PHLPP2: variants seen among roughly 807,000 people sequenced by gnomAD.
PHLPP2 encodes the protein PH domain and leucine rich repeat protein phosphatase 2.
A neutral mutation model predicts 124.9 loss-of-function variants in PHLPP2; 66 were observed. That is an observed-to-expected ratio of 0.53 (90% CI 0.43 to 0.65). The LOEUF is 0.65. Among genes scored for constraint, PHLPP2 ranks in the 30% least tolerant of loss-of-function variants. The pLI, the probability that PHLPP2 is intolerant of heterozygous loss-of-function variation, is 0.00. For missense variants in PHLPP2, 1,685 were observed against 1,600.4 expected, an observed-to-expected ratio of 1.05 and a Z score of -0.90; for synonymous variants, 681 against 624.7, an observed-to-expected ratio of 1.09 and a Z score of -1.34.
At chr16:71,662,107 C>T (rs1022924310) in intron 13 of PHLPP2, among the ~76,000 whole-genome samples, 4 of 151,732 alleles carry the variant, frequency 2.6e-5, no homozygotes, top group Admixed American at 6.6e-5. Flanking sequence ...CAGGCATGAG[C>T]GGCCACGCCC....
At chr16:71,695,479 C>T (rs1298755915) in intron 3 of PHLPP2, among the ~76,000 whole-genome samples, 2 of 152,116 alleles carry the variant, frequency 1.3e-5, no homozygotes, top group Non-Finnish European at 2.9e-5. Flanking sequence ...GAGGCCAAGG[C>T]CGTCGGATCA....
At chr16:71,696,255 G>A (rs971692100) in intron 3 of PHLPP2, among the ~76,000 whole-genome samples, 2 of 152,156 alleles carry the variant, frequency 1.3e-5, no homozygotes, top group African/African-American at 4.8e-5. Context: ...TGTTGTCAAA[G>A]GTGTAGGGAA....
chr16:71,681,604 G>C (rs768419366), intron 6 of PHLPP2, 147 bp downstream of exon 6: 1 of 550,682 alleles, frequency 1.8e-6, no homozygotes, highest in Non-Finnish European at 3.1e-6. Context: ...GCAGGTAGGA[G>C]AACTCTGTGA....
chr16:71,703,325 T>C (rs1173818994), intron 2 of PHLPP2, among the ~76,000 whole-genome samples: 1 of 152,180 alleles, frequency 6.6e-6, no homozygotes, highest in Non-Finnish European at 1.5e-5. Context: ...TTTACCAAAT[T>C]AGAAATTAAA....
chr16:71,691,880 G>C (rs1171336117), intron 3 of PHLPP2, among the ~76,000 whole-genome samples: 1 of 151,990 alleles, frequency 6.6e-6, no homozygotes, highest in Non-Finnish European at 1.5e-5. Flanking sequence ...AAGACTGTTT[G>C]AGCCCAGGAG....
In PHLPP2 at chr16:71,649,086, G is replaced by A; in HGVS notation, c.3776C>T (p.Thr1259Ile). The change falls in exon 19 of 19, where the codon ACA becomes ATA. Residue 1259 changes from threonine to isoleucine, a missense_variant. Physicochemically the swap from Thr to Ile is moderately conservative, Grantham distance 89 (BLOSUM62 -1). Transcript: ENST00000568954. ...GCCAGTTTTCCTCTTGGGCACTTCT[G>A]TGGCCACTTCAATGAGGTTCAGGCT... ...EDSLNLIEVA[T>I]EVPKRKTGYF... 1.9e-6 allele frequency: 3 copies of A among 1,614,152 alleles called. No homozygotes were observed. Among genetic ancestry groups the A allele is most frequent in the African/African-American group, 1.3e-5 (1 of 75,036 alleles).
chr16:71,693,065 C>T (rs1036361758), intron 3 of PHLPP2, among the ~76,000 whole-genome samples: 1 of 151,924 alleles, frequency 6.6e-6, no homozygotes, highest in Non-Finnish European at 1.5e-5. Flanking sequence ...CTGAGGCGGG[C>T]GGATCACGAG....
intron 4 of PHLPP2, among the ~76,000 whole-genome samples, chr16:71,685,110 G>A (rs80009529): frequency 0.11 from 16,310 of 152,100 alleles, 1,305 homozygotes; most frequent in South Asian, 0.38. Flanking sequence ...GGCGGATCAC[G>A]AGGTCAGGAG....
At chr16:71,657,905 T>G (rs2044755616) in intron 15 of PHLPP2, among the ~76,000 whole-genome samples, 1 of 152,218 alleles carries the variant, frequency 6.6e-6, no homozygotes, top group African/African-American at 2.4e-5. Context: ...GTTAAGTATT[T>G]TGATACAATG....
chr16:71,680,218 T>C (rs2044984588), intron 6 of PHLPP2, among the ~76,000 whole-genome samples: 1 of 152,212 alleles, frequency 6.6e-6, no homozygotes, highest in South Asian at 2.1e-4. Context: ...TACAAAATCC[T>C]TGCAAGAATT....
chr16:71,656,933 T>C (rs907864686), intron 15 of PHLPP2, among the ~76,000 whole-genome samples: 1 of 151,050 alleles, frequency 6.6e-6, no homozygotes, highest in Non-Finnish European at 1.5e-5. Context: ...TATTTCTTTA[T>C]TTTATTCTAT....
intron 1 of PHLPP2, chr16:71,715,130 C>T (rs114847963): frequency 0.022 from 6,296 of 282,930 alleles, 363 homozygotes; most frequent in African/African-American, 0.13. Context: ...GGTAAGAGGA[C>T]TGCTTGAGGC....
In PHLPP2 at chr16:71,650,059, G is replaced by T; in HGVS notation, c.2818-15C>A. 1 of 1,590,322 alleles carries T rather than the reference G, an allele frequency of 6.3e-7. No individual in the cohort carries two copies. The highest frequency in any genetic ancestry group is 1.1e-5 in the South Asian group (1 of 90,500). On this transcript the variant is annotated splice_polypyrimidine_tract_variant and intron_variant, in intron 18 of 18. Transcript: ENST00000568954. ...ACTTTGTTGTCCTACAGAAGAGCAG[G>T]ACACAAATTCTGAGAAACAAGCAAC...
At chr16:71,710,189 A>C (rs1373781215) in intron 2 of PHLPP2, among the ~76,000 whole-genome samples, 4 of 151,972 alleles carry the variant, frequency 2.6e-5, no homozygotes, top group Admixed American at 2.6e-4. Flanking sequence ...TTGCCACCTA[A>C]ATTCTGTAAC....
intron 13 of PHLPP2, among the ~76,000 whole-genome samples, chr16:71,662,289 G>C (rs1486884958): frequency 1.3e-5 from 2 of 151,914 alleles, no homozygotes; most frequent in South Asian, 4.2e-4. Flanking sequence ...AATTAGCCAG[G>C]TGTGGTGGCA....
chr16:71,689,282 C>T (rs774058898), intron 4 of PHLPP2, among the ~76,000 whole-genome samples: 11 of 151,420 alleles, frequency 7.3e-5, no homozygotes, highest in Non-Finnish European at 1.5e-4. Context: ...GTAGCACGAT[C>T]ACAGCTCACA....
chr16:71,715,982 ACT>A (rs776141281), intron 1 of PHLPP2, among the ~76,000 whole-genome samples: 2 of 149,686 alleles, frequency 1.3e-5, no homozygotes, highest in Non-Finnish European at 3.0e-5. Flanking sequence ...GGCAACAGAG[ACT>A]CTGTCTCAAA....
intron 1 of PHLPP2, among the ~76,000 whole-genome samples, chr16:71,718,301 C>T (rs1021769140): frequency 5.9e-5 from 9 of 152,090 alleles, no homozygotes; most frequent in South Asian, 2.1e-4. Flanking sequence ...TATATGCGGT[C>T]GGGCGCAGTG....
In PHLPP2 at chr16:71,679,508, C is replaced by G; in HGVS notation, c.918G>C (p.Leu306Phe). ...GAAACAACCCAAGTTTATTATGGGA[C>G]AAGTTCAGGCCCTTCAGTTGAGAAA... ...YKFSQLKGLNLSHNKLGLFPI... is the reference protein window; with the variant it reads ...YKFSQLKGLNFSHNKLGLFPI... The change falls in exon 7 of 19, where the codon TTG becomes TTC. Residue 306 changes from leucine to phenylalanine, a missense_variant. Coordinates refer to ENST00000568954, the MANE Select transcript of PHLPP2 (RefSeq NM_015020.3). The G allele has an allele frequency of 6.2e-7, 1 of 1,614,016 alleles. No homozygotes were observed. Among genetic ancestry groups the G allele is most frequent in the Non-Finnish European group, 8.5e-7 (1 of 1,179,944 alleles).
Sources: allele counts gnomAD v4.1 joint callset (sites outside exome capture counted in the v4.1 genomes callset), GRCh38; gene constraint gnomAD v4.1.1; transcripts MANE v1.5; gene names NCBI Gene and HGNC (gene_info 2026-07-23, HGNC 2026-07-21).